Variants in PALM2AKAP2 observed in about 807,000 individuals in gnomAD.
The protein encoded by PALM2AKAP2 is PALM2 and AKAP2 fusion, also known as PALM2-AKAP2 fusion protein.
In PALM2AKAP2, 37 loss-of-function variants were observed where a neutral mutation model predicts 71.5. That is an observed-to-expected ratio of 0.52 (90% CI 0.40 to 0.68). The LOEUF (loss-of-function observed/expected upper bound fraction) is 0.68, where lower values mean the gene tolerates loss of function less well. Among genes scored for constraint, PALM2AKAP2 ranks in the 30% least tolerant of loss-of-function variants. The pLI is 0.00. For synonymous variants in PALM2AKAP2, 468 were observed against 478.8 expected (o/e 0.98, Z 0.29); for missense variants, 1,224 against 1,191.8 (o/e 1.03, Z -0.40).
intron 7 of PALM2AKAP2, among the ~76,000 whole-genome samples, chr9:110,022,485 C>G (rs879539278): frequency 6.6e-6 from 1 of 152,116 alleles, no homozygotes; most frequent in Non-Finnish European, 1.5e-5. Context: ...TCTTCCTGCT[C>G]TCCCTCTCTC....
chr9:109,747,251 G>C (rs951016897), intron 1 of PALM2AKAP2, among the ~76,000 whole-genome samples: 3 of 152,126 alleles, frequency 2.0e-5, no homozygotes, highest in Admixed American at 1.3e-4. Context: ...CTTTCAAGTG[G>C]TTTATGTCAG....
intron 1 of PALM2AKAP2, among the ~76,000 whole-genome samples, chr9:109,694,276 C>G (rs1411619185): frequency 6.6e-6 from 1 of 152,030 alleles, no homozygotes; most frequent in Non-Finnish European, 1.5e-5. Context: ...TGAAAACTTA[C>G]ATCATGTACA....
chr9:109,786,951 C>T (rs1826986526), intron 1 of PALM2AKAP2, among the ~76,000 whole-genome samples: 1 of 152,204 alleles, frequency 6.6e-6, no homozygotes, highest in Admixed American at 6.5e-5. Context: ...CCCCTTTGAA[C>T]TCTCCACATT....
chr9:110,144,552 C>G (rs190226559), intron 2 of PALM2AKAP2, among the ~76,000 whole-genome samples: 6 of 152,272 alleles, frequency 3.9e-5, no homozygotes, highest in Admixed American at 2.0e-4. Flanking sequence ...TAGATTCAGA[C>G]TTTTTCTGAT....
intron 3 of PALM2AKAP2, among the ~76,000 whole-genome samples, chr9:109,909,879 G>A (rs142086233): frequency 3.9e-5 from 6 of 152,278 alleles, no homozygotes; most frequent in African/African-American, 1.2e-4. Flanking sequence ...GTAAATGAGA[G>A]GCTGGGAGTG....
At chr9:109,963,815 GA>G (rs1256321192) in intron 6 of PALM2AKAP2, among the ~76,000 whole-genome samples, 18 of 152,224 alleles carry the variant, frequency 1.2e-4, no homozygotes, top group African/African-American at 4.1e-4. Context: ...GGGCCACTCT[GA>G]AGGGTGTACC....
chr9:109,966,322 G>A (rs546275625), intron 6 of PALM2AKAP2, among the ~76,000 whole-genome samples: 12 of 152,356 alleles, frequency 7.9e-5, no homozygotes, highest in African/African-American at 2.2e-4. Context: ...AATTTCAGAA[G>A]AGCCTTGATA....
intron 1 of PALM2AKAP2, among the ~76,000 whole-genome samples, chr9:109,685,580 C>T (rs1465416165): frequency 1.3e-5 from 2 of 151,986 alleles, no homozygotes; most frequent in African/African-American, 4.8e-5. Flanking sequence ...AGAATTCTGT[C>T]ATATATATAT....
At chr9:110,043,726 T>G, upstream of PALM2AKAP2, among the ~76,000 whole-genome samples, 1 of 139,866 alleles carries the variant, frequency 7.1e-6, no homozygotes, top group Middle Eastern at 3.3e-3. Context: ...GTTTTTTTTT[T>G]TTTTTTTTTT....
chr9:109,819,727 G>T (rs571572720), intron 1 of PALM2AKAP2, among the ~76,000 whole-genome samples: 2 of 150,566 alleles, frequency 1.3e-5, no homozygotes, highest in South Asian at 2.1e-4. Flanking sequence ...GTGTGTGTGT[G>T]TGTGTGTATT....
rs143682527 is a variant in PALM2AKAP2, at chr9:109,679,836, C to G, written c.5+38970C>G. On this transcript the variant is annotated intron_variant, in intron 1 of 6. Transcript: ENST00000374531. The stretch of plus-strand genomic sequence containing the variant: ...TATTGGTCTTATGCAAGTATATGCT[C>G]TTTGTTATAAGAAATATGGTTACTG... 1.2e-3 allele frequency among the ~76,000 whole-genome samples: 177 copies of G among 152,174 alleles called. 1 individual carries two copies. Among genetic ancestry groups the G allele is most frequent in the Non-Finnish European group, 1.8e-3 (125 of 68,004 alleles).
intron 1 of PALM2AKAP2, among the ~76,000 whole-genome samples, chr9:110,059,510 G>A (rs541342704): frequency 1.3e-5 from 2 of 152,268 alleles, no homozygotes; most frequent in South Asian, 4.1e-4. Flanking sequence ...TTAAGACCAA[G>A]GCATTCCAAG....
intron 6 of PALM2AKAP2, among the ~76,000 whole-genome samples, chr9:110,012,097 G>T (rs1045319369): frequency 6.6e-6 from 1 of 152,016 alleles, no homozygotes; most frequent in African/African-American, 2.4e-5. Context: ...GAGTTAGACC[G>T]GTCTGACCAA....
chr9:109,988,780 A>G (rs371130254), intron 6 of PALM2AKAP2, among the ~76,000 whole-genome samples: 29 of 152,318 alleles, frequency 1.9e-4, no homozygotes, highest in African/African-American at 7.0e-4. Context: ...GTTTGGTTGT[A>G]TCCCTACCCA....
At chr9:109,717,797 CAA>C in intron 1 of PALM2AKAP2, among the ~76,000 whole-genome samples, 1 of 152,304 alleles carries the variant, frequency 6.6e-6, no homozygotes, top group Non-Finnish European at 1.5e-5. Flanking sequence ...TCTGAAGTCT[CAA>C]ATGATTGCAT....
chr9:109,937,011 T>A (rs545167252), intron 6 of PALM2AKAP2, among the ~76,000 whole-genome samples: 1 of 152,348 alleles, frequency 6.6e-6, no homozygotes, highest in African/African-American at 2.4e-5. Flanking sequence ...AATGTATTCA[T>A]GTCCATTGCT....
chr9:110,005,676 A>T (rs1671787283), intron 6 of PALM2AKAP2, among the ~76,000 whole-genome samples: 1 of 152,168 alleles, frequency 6.6e-6, no homozygotes, highest in South Asian at 2.1e-4. Flanking sequence ...GGCTCCACCC[A>T]GTTCAAGCTT....
intron 7 of PALM2AKAP2, among the ~76,000 whole-genome samples, chr9:110,042,141 T>C (rs1181332478): frequency 2.0e-5 from 3 of 152,106 alleles, no homozygotes; most frequent in East Asian, 1.9e-4. Context: ...AAATAGTCTA[T>C]GGGGGCCGGA....
intron 1 of PALM2AKAP2, among the ~76,000 whole-genome samples, chr9:109,739,213 A>G (rs1044693727): frequency 5.3e-5 from 8 of 152,210 alleles, no homozygotes; most frequent in Non-Finnish European, 1.0e-4. Flanking sequence ...TTGTTAATTC[A>G]AGTAGTTCAT....
Sources: gnomAD v4.1 joint callset for allele counts (sites outside exome capture counted in the v4.1 genomes callset) on GRCh38, gnomAD v4.1.1 for gene constraint, MANE v1.5 for transcripts, NCBI Gene and HGNC (gene_info 2026-07-23, HGNC 2026-07-21) for gene names.